The following IBSP variants were observed in gnomAD, a reference collection of about 807,000 sequenced individuals.
The protein encoded by IBSP is integrin-binding sialoprotein.
In IBSP, 19 loss-of-function variants were observed where a neutral mutation model predicts 25.5. That is an observed-to-expected ratio of 0.74 (90% CI 0.52 to 1.09). The LOEUF (loss-of-function observed/expected upper bound fraction) is 1.09, where lower values mean the gene tolerates loss of function less well. Among genes scored for constraint, IBSP ranks in the 50% least tolerant of loss-of-function variants. The pLI is 0.00. For synonymous variants in IBSP, 144 were observed against 137.6 expected, an observed-to-expected ratio of 1.05 and a Z score of -0.33; for missense variants, 360 against 382.3, an observed-to-expected ratio of 0.94 and a Z score of 0.49.
rs367949109 is a variant in IBSP, at chr4:87,802,420, G to A, written c.54+5G>A. On this transcript the variant is annotated splice_donor_5th_base_variant and intron_variant, in intron 2 of 6. Transcript: ENST00000226284. ...GGAATGGCCTGTGCTTTCTCAGTAAGTTCTTTATCAAAACCCACAGTTATT... is the reference window on the plus strand; with the variant it reads ...GGAATGGCCTGTGCTTTCTCAGTAAATTCTTTATCAAAACCCACAGTTATT... The A allele has an allele frequency of 5.6e-6, 9 of 1,607,226 alleles. No individual in the cohort carries two copies. The highest frequency in any genetic ancestry group is 1.7e-4 in the Middle Eastern group (1 of 6,026).
intron 4 of IBSP, among the ~76,000 whole-genome samples, chr4:87,805,437 T>G (rs1250640674): frequency 1.3e-5 from 2 of 152,178 alleles, no homozygotes; most frequent in South Asian, 2.1e-4. Context: ...GAATAAGTCA[T>G]AAGATTTTTA....
chr4:87,804,038 A>G (rs2110056511), intron 4 of IBSP, among the ~76,000 whole-genome samples: 1 of 152,286 alleles, frequency 6.6e-6, no homozygotes. Flanking sequence ...ATTTCTCAAT[A>G]TTGATAGACC....
chr4:87,802,084 G>A (rs1294233844), intron 1 of IBSP, among the ~76,000 whole-genome samples: 3 of 152,186 alleles, frequency 2.0e-5, no homozygotes, highest in African/African-American at 7.2e-5. Context: ...GTAATGAAAA[G>A]GTCTTCCATT....
chr4:87,802,213 ATTTAGT>A, intron 1 of IBSP, 129 bp from the exon 2 acceptor site: 1 of 581,712 alleles, frequency 1.7e-6, no homozygotes, highest in Non-Finnish European at 3.0e-6. Flanking sequence ...AAAAGGAATA[ATTTAGT>A]TTTAATTAGT....
chr4:87,811,315 A>G, intron 6 of IBSP, 47 bp from the exon 7 acceptor site: 1 of 1,544,602 alleles, frequency 6.5e-7, no homozygotes, highest in East Asian at 2.2e-5. Context: ...CTTAAATTTT[A>G]CATTTTTCAC....
At chr4:87,810,571 A>G (rs2110058404) in intron 5 of IBSP, 35 bp from the exon 6 acceptor site, 1 of 1,482,702 alleles carries the variant, frequency 6.7e-7, no homozygotes, top group African/African-American at 1.4e-5. Context: ...TCTTCCAGGT[A>G]AAATAATTTT....
intron 5 of IBSP, among the ~76,000 whole-genome samples, chr4:87,809,859 CGATAT>C (rs1722144614): frequency 6.7e-6 from 1 of 149,580 alleles, no homozygotes; most frequent in Non-Finnish European, 1.5e-5. Flanking sequence ...AATTGCCTCA[CGATAT>C]GATATAAAGG....
At chr4:87,804,259 G>A (rs940931648) in intron 4 of IBSP, among the ~76,000 whole-genome samples, 2 of 152,002 alleles carry the variant, frequency 1.3e-5, no homozygotes, top group African/African-American at 2.4e-5. Context: ...TGTATTGTTA[G>A]GTGTTTAGTG....
At chr4:87,804,282 C>A (rs1287247110) in intron 4 of IBSP, among the ~76,000 whole-genome samples, 1 of 152,118 alleles carries the variant, frequency 6.6e-6, no homozygotes. Flanking sequence ...CATGTTGTCA[C>A]CCCAAAACAC....
intron 1 of IBSP, among the ~76,000 whole-genome samples, chr4:87,800,755 C>T (rs1394602454): frequency 6.6e-6 from 1 of 152,166 alleles, no homozygotes; most frequent in African/African-American, 2.4e-5. Context: ...GTCAGATACT[C>T]AGTAAGGATG....
Position 87,810,662 on chromosome 4 carries a change from G to A in IBSP, c.303G>A (p.Glu101=), listed in dbSNP as rs1560528124. The A allele has an allele frequency of 6.2e-7, 1 of 1,613,752 alleles. No homozygotes were observed. The highest frequency in any genetic ancestry group is 8.5e-7 in the Non-Finnish European group (1 of 1,179,686). ...AATCGAATGAAGATGAAGACTCTGA[G>A]GCTGAGAATACCACACTTTCTGCTA... ...NEESNEDEDS[E]AENTTLSATT... Residue 101 remains glutamate (E), a synonymous_variant, in exon 6 of 7, where the codon GAG becomes GAA. Transcript: ENST00000226284.
chr4:87,801,502 ACACACACACACACG>A (rs1038706160), intron 1 of IBSP, among the ~76,000 whole-genome samples: 54 of 142,300 alleles, frequency 3.8e-4, no homozygotes, highest in South Asian at 1.2e-3. Context: ...ACACACACAC[ACACACACACACACG>A]CATATACACA....
At chr4:87,805,200 T>G (rs1478299627) in intron 4 of IBSP, among the ~76,000 whole-genome samples, 3 of 152,248 alleles carry the variant, frequency 2.0e-5, no homozygotes, top group African/African-American at 7.2e-5. Context: ...CTTCTGCAGC[T>G]ATATTTTCTA....
chr4:87,801,318 T>G (rs553621874), intron 1 of IBSP, among the ~76,000 whole-genome samples: 1 of 152,232 alleles, frequency 6.6e-6, no homozygotes, highest in South Asian at 2.1e-4. Context: ...CAAATTAATT[T>G]GAGGAAATCT....
intron 4 of IBSP, 27 bp downstream of exon 4, chr4:87,802,758 A>C: frequency 7.2e-7 from 1 of 1,394,352 alleles, no homozygotes; most frequent in Non-Finnish European, 9.6e-7. Context: ...ATTTTTCTTC[A>C]GTTTAATTTC....
intron 1 of IBSP, among the ~76,000 whole-genome samples, chr4:87,802,056 T>C (rs181323710): frequency 3.9e-5 from 6 of 152,294 alleles, no homozygotes; most frequent in Admixed American, 6.5e-5. Flanking sequence ...GTACCCTAAG[T>C]AGTCAAAATC....
intron 5 of IBSP, among the ~76,000 whole-genome samples, chr4:87,809,212 C>T (rs926788797): frequency 1.3e-5 from 2 of 152,142 alleles, no homozygotes; most frequent in Admixed American, 6.5e-5. Context: ...AAGCCTCATA[C>T]CCATCAACAG....
rs1313498618 is a variant in IBSP at position 87,811,562 on chromosome 4, A to T, written c.606A>T (p.Glu202Asp). ...SSGGDNGEEG[E>D]EESVTGANAE... ...GAGGAGACAATGGAGAAGAAGGGGA[A>T]GAAGAAAGTGTCACTGGAGCCAATG... Residue 202 changes from glutamate (E) to aspartate (D), a missense_variant, in exon 7 of 7, where the codon GAA becomes GAT. By Grantham distance (45) the Glu-to-Asp change is conservative (BLOSUM62 2). Transcript: ENST00000226284. 6.2e-7 allele frequency: 1 copy of T among 1,613,780 alleles called. No homozygotes were observed. Among genetic ancestry groups the T allele is most frequent in the South Asian group, 1.1e-5 (1 of 91,022 alleles).
chr4:87,803,524 A>G (rs896165449), intron 4 of IBSP, among the ~76,000 whole-genome samples: 1 of 152,226 alleles, frequency 6.6e-6, no homozygotes, highest in African/African-American at 2.4e-5. Context: ...AGTACCATAC[A>G]GTTTGGGTTC....
Sources: allele counts gnomAD v4.1 joint callset (sites outside exome capture counted in the v4.1 genomes callset), GRCh38; gene constraint gnomAD v4.1.1; transcripts MANE v1.5; gene names NCBI Gene and HGNC (gene_info 2026-07-23, HGNC 2026-07-21).